ADD1: variants seen among roughly 807,000 people sequenced by gnomAD.
ADD1 encodes the protein alpha-adducin.
In ADD1, 24 loss-of-function variants were observed where a neutral mutation model predicts 80.5. The observed-to-expected ratio is 0.30, with a 90% CI of 0.22 to 0.42. The LOEUF (loss-of-function observed/expected upper bound fraction) is 0.42. Among genes scored for constraint, ADD1 ranks in the 10% least tolerant of loss-of-function variants. The pLI is 1.00. For missense variants in ADD1, 948 were observed against 1,019.0 expected, an observed-to-expected ratio of 0.93 and a Z score of 0.95; for synonymous variants, 373 against 393.8, an observed-to-expected ratio of 0.95 and a Z score of 0.63.
At chr4:2,902,713 G>GAGCA (rs1736389168) in intron 9 of ADD1, 3 of 151,990 alleles carry the variant, frequency 2.0e-5, no homozygotes, top group African/African-American at 7.3e-5. Flanking sequence ...CTGGGTGACA[G>GAGCA]AGCAAGACTC....
intron 13 of ADD1, 43 bp from the exon 14 acceptor site, chr4:2,914,841 T>A (rs1577701939): frequency 6.5e-7 from 1 of 1,545,324 alleles, no homozygotes; most frequent in East Asian, 2.3e-5. Flanking sequence ...AGAGTCCCCA[T>A]CGGGCCGGGC....
In ADD1 at chr4:2,909,345, CCT is replaced by C. The variant is rs755739089; in HGVS notation, c.1712_1713del (p.Ser571Ter). 2 of 1,550,006 alleles carry C rather than the reference CCT, an allele frequency of 1.3e-6. No individual in the cohort carries two copies. Among genetic ancestry groups the C allele is most frequent in the African/African-American group, 1.4e-5 (1 of 72,982 alleles). ...ACTCAGTTTACTGTTTCAGGATGCA[CCT>C]CTCTCTGACTGTACGGAAACTATCG... ...VMDRSLVQDAPLSDCTETIEG... is the reference protein window; with the variant it reads ...VMDRSLVQDAXLSDCTETIEG... On this transcript the variant is annotated frameshift_variant, in exon 13 of 16. Coordinates refer to ENST00000683351, the MANE Select transcript of ADD1 (RefSeq NM_001354761.2). LOFTEE classifies it high-confidence loss of function.
intron 9 of ADD1, chr4:2,900,553 A>T (rs1323184842): frequency 1.3e-5 from 2 of 152,362 alleles, no homozygotes; most frequent in Non-Finnish European, 2.9e-5. Context: ...CCCTTGGACC[A>T]GATCACAGAT....
intron 14 of ADD1, among the ~76,000 whole-genome samples, chr4:2,922,506 T>G (rs1447619069): frequency 6.6e-6 from 1 of 152,220 alleles, no homozygotes; most frequent in East Asian, 1.9e-4. Context: ...TTCCTTCCTC[T>G]GGAAGTTTCG....
At chr4:2,899,486 A>G in intron 9 of ADD1, 51 bp downstream of exon 9, 1 of 1,605,668 alleles carries the variant, frequency 6.2e-7, no homozygotes, top group East Asian at 2.2e-5. Flanking sequence ...TAAAAGCATC[A>G]GTGTTGGTGT....
intron 14 of ADD1, among the ~76,000 whole-genome samples, chr4:2,925,618 C>A (rs1740828925): frequency 6.6e-6 from 1 of 152,148 alleles, no homozygotes; most frequent in Non-Finnish European, 1.5e-5. Flanking sequence ...ATGTGATGTC[C>A]CTTAAGGTGG....
At chr4:2,879,170 G>C (rs1467003236) in intron 2 of ADD1, among the ~76,000 whole-genome samples, 1 of 152,146 alleles carries the variant, frequency 6.6e-6, no homozygotes, top group Non-Finnish European at 1.5e-5. Flanking sequence ...CACACACAAG[G>C]TCCTTAGGCT....
rs368463530 is a variant in ADD1, at chr4:2,858,928, A to G, written c.-21+14904A>G. ...TTTCTAATTGCCCCAACAACCTGGG[A>G]ACATATCACCGAGTGTATTTTATTA... On this transcript the variant is annotated intron_variant, in intron 1 of 15. Transcript: ENST00000683351. Among the ~76,000 whole-genome samples, 67 of 152,352 alleles carry G rather than the reference A, an allele frequency of 4.4e-4. No homozygotes were observed. The East Asian group carries it at 0.011, about 25-fold the overall frequency.
intron 1 of ADD1, among the ~76,000 whole-genome samples, chr4:2,874,891 T>G (rs1354775556): frequency 1.3e-5 from 2 of 152,148 alleles, no homozygotes; most frequent in Non-Finnish European, 2.9e-5. Context: ...CTAATGAATC[T>G]TAATTTGTGT....
At chr4:2,880,463 CTTTTTTT>C (rs1167878841) in intron 2 of ADD1, among the ~76,000 whole-genome samples, 95 of 63,156 alleles carry the variant, frequency 1.5e-3, no homozygotes, top group Non-Finnish European at 2.5e-3. Flanking sequence ...TTCTTTCTTT[CTTTTTTT>C]TTTTTTTTTT....
At chr4:2,919,489 T>C (rs1355954037) in intron 14 of ADD1, among the ~76,000 whole-genome samples, 1 of 152,216 alleles carries the variant, frequency 6.6e-6, no homozygotes, top group Non-Finnish European at 1.5e-5. Flanking sequence ...GTTGGTAGGC[T>C]ATTTATTACT....
chr4:2,904,467 A>G (rs1431213964), intron 9 of ADD1, among the ~76,000 whole-genome samples: 1 of 152,244 alleles, frequency 6.6e-6, no homozygotes, highest in Non-Finnish European at 1.5e-5. Flanking sequence ...TTTAGAGCAC[A>G]TTGTGTCACT....
chr4:2,860,689 TAGTTTATTTCTGAC>T (rs1728711094), intron 1 of ADD1, among the ~76,000 whole-genome samples: 1 of 152,214 alleles, frequency 6.6e-6, no homozygotes, highest in Non-Finnish European at 1.5e-5. Flanking sequence ...CTAGGGGAGA[TAGTTTATTTCTGAC>T]AGTAATACTA....
At chr4:2,908,423 TGTGGCTGGGGCCCAA>T (rs1246952000) in intron 11 of ADD1, 77 bp from the exon 12 acceptor site, 46 of 1,127,784 alleles carry the variant, frequency 4.1e-5, no homozygotes, top group Non-Finnish European at 6.0e-5. Context: ...GTAGCTTCCA[TGTGGCTGGGGCCCAA>T]GTGCACAAGC....
chr4:2,848,961 C>T (rs541759638), intron 1 of ADD1, among the ~76,000 whole-genome samples: 1 of 152,186 alleles, frequency 6.6e-6, no homozygotes, highest in Non-Finnish European at 1.5e-5. Context: ...AATATTCTTA[C>T]ATTTCCATCT....
At chr4:2,874,584 G>A (rs1412677512) in intron 1 of ADD1, among the ~76,000 whole-genome samples, 1 of 148,824 alleles carries the variant, frequency 6.7e-6, no homozygotes, top group Non-Finnish European at 1.5e-5. Context: ...TCCAGAATGA[G>A]CGACAGAGTG....
rs1227634578 is a variant in ADD1, at chr4:2,876,132, C to T, written c.195+22C>T. 2.5e-6 allele frequency: 4 copies of T among 1,602,498 alleles called. No homozygotes were observed. The African/African-American group carries it at 4.0e-5, about 16-fold the overall frequency. Reference sequence around the variant, plus strand: ...CCCTGTGAGAAGAGAAGTCTTTTCTCTGACCAGATGTCATCTTTCCTTTTC... The same window carrying T: ...CCCTGTGAGAAGAGAAGTCTTTTCTTTGACCAGATGTCATCTTTCCTTTTC... On this transcript the variant is annotated intron_variant, in intron 2 of 15. Coordinates refer to ENST00000683351, the MANE Select transcript of ADD1 (RefSeq NM_001354761.2).
At chr4:2,916,162 ATATTATTATTAT>A (rs71662749) in intron 14 of ADD1, among the ~76,000 whole-genome samples, 8,973 of 140,978 alleles carry the variant, frequency 0.064, 367 homozygotes, top group African/African-American at 0.096. Context: ...GCCAGCATGC[ATATTATTATTAT>A]TATTATTATT....
chr4:2,899,377 C>T lies in ADD1; in HGVS notation c.1103C>T (p.Pro368Leu), dbSNP rs2109030538. 1 of 1,614,208 alleles carries T rather than the reference C, an allele frequency of 6.2e-7. No individual in the cohort carries two copies. Among genetic ancestry groups the T allele is most frequent in the Non-Finnish European group, 8.5e-7 (1 of 1,180,044 alleles). Residue 368 changes from proline (P) to leucine (L), a missense_variant, in exon 9 of 16, where the codon CCC (proline) becomes CTC (leucine). By Grantham distance (98) the Pro-to-Leu change is moderately conservative. Transcript: ENST00000683351. ...GTAGGGGAAGGCACTGGATCGCCTC[C>T]CAAGTGGCAGATTGGTGAGCAGGAA... ...SPVGEGTGSP[P>L]KWQIGEQEFE...
Sources: allele counts gnomAD v4.1 joint callset (sites outside exome capture counted in the v4.1 genomes callset), GRCh38; gene constraint gnomAD v4.1.1; transcripts MANE v1.5; gene names NCBI Gene and HGNC (gene_info 2026-07-23, HGNC 2026-07-21).